Variants in LHFPL4 observed in about 807,000 individuals in gnomAD.
LHFPL4 encodes the protein LHFPL tetraspan subfamily member 4.
Under a neutral mutation model 20.0 loss-of-function variants are expected in LHFPL4, and 6 were observed. The observed-to-expected ratio is 0.30, with a 90% CI of 0.16 to 0.59. LHFPL4 has a LOEUF of 0.59. Ranked by LOEUF, LHFPL4 falls within the 20% of genes least tolerant of loss-of-function variation. LHFPL4 has a pLI of 0.88. For synonymous variants in LHFPL4, 129 were observed against 143.8 expected (o/e 0.90, Z 0.74); for missense variants, 215 against 331.2 (o/e 0.65, Z 2.72).
At chr3:9,508,779 G>T (rs2046237489) in intron 2 of LHFPL4, among the ~76,000 whole-genome samples, 1 of 152,296 alleles carries the variant, frequency 6.6e-6, no homozygotes, top group South Asian at 2.1e-4. Flanking sequence ...ACGGGGCAGG[G>T]GGAGGAGTGG....
At chr3:9,502,678 A>G (rs1363895166) in intron 3 of LHFPL4, among the ~76,000 whole-genome samples, 1 of 150,892 alleles carries the variant, frequency 6.6e-6, no homozygotes, top group Non-Finnish European at 1.5e-5. Flanking sequence ...ACTCCAGCCT[A>G]GGCAAAAAGT....
At chr3:9,526,701 C>T (rs2046377849) in intron 2 of LHFPL4, among the ~76,000 whole-genome samples, 1 of 152,184 alleles carries the variant, frequency 6.6e-6, no homozygotes, top group Non-Finnish European at 1.5e-5. Flanking sequence ...AGGGTGGGCT[C>T]TAAGTCCAAT....
chr3:9,541,923 T>G (rs1449221539), intron 2 of LHFPL4, among the ~76,000 whole-genome samples: 1 of 152,200 alleles, frequency 6.6e-6, no homozygotes, highest in African/African-American at 2.4e-5. Context: ...TACAGAGTTC[T>G]CATTTGTCCA....
chr3:9,547,412 C>T (rs767508162), intron 2 of LHFPL4, among the ~76,000 whole-genome samples: 1 of 152,368 alleles, frequency 6.6e-6, no homozygotes, highest in African/African-American at 2.4e-5. Flanking sequence ...ACCGGGCCCA[C>T]AGGTAACATT....
intron 3 of LHFPL4, among the ~76,000 whole-genome samples, chr3:9,503,363 T>C (rs1317645300): frequency 6.6e-6 from 1 of 152,224 alleles, no homozygotes; most frequent in African/African-American, 2.4e-5. Flanking sequence ...CAGATCTCAG[T>C]CTGTCTTGCA....
At chr3:9,522,602 A>G (rs921555329) in intron 2 of LHFPL4, among the ~76,000 whole-genome samples, 2 of 151,780 alleles carry the variant, frequency 1.3e-5, no homozygotes, top group South Asian at 4.2e-4. Flanking sequence ...TTAGCCAGGC[A>G]TGGTGGCGCG....
At chr3:9,504,444 A>T (rs888223468) in intron 3 of LHFPL4, among the ~76,000 whole-genome samples, 1 of 151,788 alleles carries the variant, frequency 6.6e-6, no homozygotes, top group African/African-American at 2.4e-5. Flanking sequence ...GCTCCAGCTC[A>T]TATACTTGAC....
intron 2 of LHFPL4, among the ~76,000 whole-genome samples, chr3:9,526,169 T>G (rs1270040122): frequency 6.6e-6 from 1 of 152,178 alleles, no homozygotes; most frequent in Non-Finnish European, 1.5e-5. Context: ...ATGAGCTACC[T>G]AGAGTAATCA....
chr3:9,519,001 G>T (rs985303841), intron 2 of LHFPL4, among the ~76,000 whole-genome samples: 1 of 151,496 alleles, frequency 6.6e-6, no homozygotes, highest in Non-Finnish European at 1.5e-5. Context: ...TCAGTGGCAC[G>T]ATGTCAGCTC....
chr3:9,502,332 GAGA>G, intron 3 of LHFPL4, 21 bp from the exon 4 acceptor site: 3 of 1,501,296 alleles, frequency 2.0e-6, no homozygotes, highest in Non-Finnish European at 1.9e-6. Flanking sequence ...GAGAGAGAGA[GAGA>G]AGGAGAGAGA....
At chr3:9,518,474 G>C (rs1171108476) in intron 2 of LHFPL4, among the ~76,000 whole-genome samples, 1 of 152,134 alleles carries the variant, frequency 6.6e-6, no homozygotes, top group Non-Finnish European at 1.5e-5. Flanking sequence ...AGAGAATGTA[G>C]AGAATTCTTG....
chr3:9,529,033 T>C (rs1446283483), intron 2 of LHFPL4, among the ~76,000 whole-genome samples: 1 of 131,720 alleles, frequency 7.6e-6, no homozygotes, highest in Non-Finnish European at 1.7e-5. Context: ...ATCACCAATG[T>C]TCTTTTTTTT....
chr3:9,504,233 T>A (rs2046199896), intron 3 of LHFPL4, among the ~76,000 whole-genome samples: 1 of 151,698 alleles, frequency 6.6e-6, no homozygotes, highest in Non-Finnish European at 1.5e-5. Context: ...TAGCTGGGTG[T>A]GGTGGCAACA....
At position 9,502,089 on chromosome 3, in the gene LHFPL4, G is replaced by T; in HGVS notation, c.*122C>A. 2 of 731,278 alleles carry T rather than the reference G, an allele frequency of 2.7e-6. No homozygotes were observed. Among genetic ancestry groups the T allele is most frequent in the Non-Finnish European group, 4.8e-6 (2 of 412,750 alleles). 45.3% of individuals were successfully genotyped at this position (731,278 alleles called of 1,614,324 possible). The stretch of plus-strand genomic sequence containing the variant: ...CTCCTCAAAGCCTGGAGCTTGCAGG[G>T]TAGTCGGTGAGAAGTAAGTCTGAGA... On this transcript the variant is annotated 3_prime_UTR_variant, in exon 4 of 4. Transcript: ENST00000287585.
chr3:9,531,625 A>C (rs1018202007), intron 2 of LHFPL4, among the ~76,000 whole-genome samples: 1 of 152,154 alleles, frequency 6.6e-6, no homozygotes, highest in Non-Finnish European at 1.5e-5. Context: ...AACGTGGTGA[A>C]ACCCCGTCTC....
chr3:9,543,727 TGG>T (rs1491142934), intron 2 of LHFPL4, among the ~76,000 whole-genome samples: 8 of 85,868 alleles, frequency 9.3e-5, no homozygotes, highest in Non-Finnish European at 1.5e-4. Context: ...TTTTTGGTTT[TGG>T]TTTTTTTTTT....
chr3:9,520,460 T>G (rs1253635295), intron 2 of LHFPL4, among the ~76,000 whole-genome samples: 1 of 151,976 alleles, frequency 6.6e-6, no homozygotes, highest in Non-Finnish European at 1.5e-5. Context: ...TTCAAGAGAT[T>G]CTCCTGTCTC....
intron 2 of LHFPL4, among the ~76,000 whole-genome samples, chr3:9,522,537 C>G (rs1242952522): frequency 6.8e-6 from 1 of 146,824 alleles, no homozygotes; most frequent in Non-Finnish European, 1.5e-5. Context: ...GTCAGGAGTT[C>G]GAGACCAGGC....
chr3:9,515,049 G>GACTT (rs1295620381), intron 2 of LHFPL4, among the ~76,000 whole-genome samples: 4 of 152,124 alleles, frequency 2.6e-5, no homozygotes, highest in Non-Finnish European at 5.9e-5. Flanking sequence ...CATATAGTAA[G>GACTT]AGTACATTTA....
Sources: allele counts gnomAD v4.1 joint callset (sites outside exome capture counted in the v4.1 genomes callset), GRCh38; gene constraint gnomAD v4.1.1; transcripts MANE v1.5; gene names NCBI Gene and HGNC (gene_info 2026-07-23, HGNC 2026-07-21).